The following DLGAP1 variants were observed in gnomAD, a reference collection of about 807,000 sequenced individuals.
The protein encoded by DLGAP1 is DLG associated protein 1.
Under a neutral mutation model 90.8 loss-of-function variants are expected in DLGAP1, and 11 were observed. The ratio of observed to expected loss-of-function variants is 0.12; its 90% CI spans 0.08 to 0.20. The LOEUF (loss-of-function observed/expected upper bound fraction) is 0.20, where lower values mean the gene tolerates loss of function less well. Among genes scored for constraint, DLGAP1 ranks in the 10% least tolerant of loss-of-function variants. The pLI, the probability that DLGAP1 is intolerant of heterozygous loss-of-function variation, is 1.00. For missense variants in DLGAP1, 1,050 were observed against 1,333.8 expected (o/e 0.79, Z 3.31); for synonymous variants, 558 against 540.7 (o/e 1.03, Z -0.44).
At chr18:4,157,611 T>C (rs2076778307) in intron 1 of DLGAP1, among the ~76,000 whole-genome samples, 1 of 152,190 alleles carries the variant, frequency 6.6e-6, no homozygotes, top group African/African-American at 2.4e-5. Context: ...ATTTTAGTAG[T>C]TGAACCAGTG....
chr18:4,288,449 G>A (rs189213089), intron 1 of DLGAP1, among the ~76,000 whole-genome samples: 4 of 152,232 alleles, frequency 2.6e-5, no homozygotes, highest in East Asian at 1.9e-4. Flanking sequence ...TTATATGTTC[G>A]TTTCTTCAAA....
chr18:4,348,664 T>C (rs1300000309), intron 1 of DLGAP1, among the ~76,000 whole-genome samples: 1 of 151,862 alleles, frequency 6.6e-6, no homozygotes, highest in East Asian at 1.9e-4. Flanking sequence ...GATGAAGAAA[T>C]GGAGCAAGAT....
intron 6 of DLGAP1, among the ~76,000 whole-genome samples, chr18:3,741,112 C>CCACCACCAT (rs2062950467): frequency 7.8e-6 from 1 of 128,454 alleles, no homozygotes; most frequent in East Asian, 2.6e-4. Flanking sequence ...ATCACCATCA[C>CCACCACCAT]CACCACCATC....
At chr18:3,785,143 C>T (rs773238333) in intron 5 of DLGAP1, among the ~76,000 whole-genome samples, 3 of 152,196 alleles carry the variant, frequency 2.0e-5, no homozygotes, top group Non-Finnish European at 4.4e-5. Context: ...GAAGAACAGG[C>T]TGTATTAGTT....
At chr18:3,535,135 TAG>T (rs2052279654) in intron 9 of DLGAP1, among the ~76,000 whole-genome samples, 1 of 146,922 alleles carries the variant, frequency 6.8e-6, no homozygotes, top group African/African-American at 2.5e-5. Flanking sequence ...GTGGCAGGGG[TAG>T]ACCCTTGAGG....
At chr18:4,323,438 T>C (rs1176519505) in intron 1 of DLGAP1, among the ~76,000 whole-genome samples, 1 of 152,174 alleles carries the variant, frequency 6.6e-6, no homozygotes, top group African/African-American at 2.4e-5. Context: ...TGGCTATATA[T>C]ATAAAGGAAT....
chr18:4,358,788 G>C (rs2081575613), intron 1 of DLGAP1, among the ~76,000 whole-genome samples: 1 of 152,208 alleles, frequency 6.6e-6, no homozygotes, highest in Non-Finnish European at 1.5e-5. Flanking sequence ...TACCTCTGTA[G>C]CACCTGCTGT....
At chr18:3,600,723 G>T (rs75191767) in intron 7 of DLGAP1, among the ~76,000 whole-genome samples, 3,200 of 17,752 alleles carry the variant, frequency 0.18, 835 homozygotes, top group East Asian at 0.38. Flanking sequence ...TAGATATAGA[G>T]ATATAGATAT....
chr18:3,671,078 A>C (rs1598286115), intron 7 of DLGAP1, among the ~76,000 whole-genome samples: 1 of 148,364 alleles, frequency 6.7e-6, no homozygotes. Flanking sequence ...TCTTTTTCCC[A>C]CCTTCCCTCC....
chr18:3,601,071 T>C (rs1302666321), intron 7 of DLGAP1, among the ~76,000 whole-genome samples: 1 of 148,524 alleles, frequency 6.7e-6, no homozygotes, highest in African/African-American at 2.5e-5. Flanking sequence ...GATATATAGA[T>C]ATATAGATAG....
rs59737533 is a variant in DLGAP1, at chr18:3,685,563, CAAAAAAAAAAAAAA to C, written c.1591+43558_1591+43571del. Among the ~76,000 whole-genome samples, 6 of 76,592 alleles carry C rather than the reference CAAAAAAAAAAAAAA, an allele frequency of 7.8e-5. No homozygotes were observed. In the East Asian group the frequency reaches 1.3e-3, roughly 16 times the overall value. The allele number at this position is 76,592 out of a possible 152,430, so 50.2% of individuals were successfully genotyped here. On this transcript the variant is annotated intron_variant, in intron 7 of 12. Coordinates refer to ENST00000315677, the MANE Select transcript of DLGAP1 (RefSeq NM_004746.4). ...TGGGCGACAGAGCGAGATTCCGTCT[CAAAAAAAAAAAAAA>C]AAAAAAAAAAAAAATCCAGAGACGG...
At chr18:4,055,082 G>C (rs2075193990) in intron 2 of DLGAP1, among the ~76,000 whole-genome samples, 1 of 152,170 alleles carries the variant, frequency 6.6e-6, no homozygotes, top group Non-Finnish European at 1.5e-5. Context: ...CGCACATACT[G>C]TGATAAATAA....
intron 2 of DLGAP1, among the ~76,000 whole-genome samples, chr18:4,143,727 C>T (rs1428110477): frequency 6.6e-6 from 1 of 152,094 alleles, no homozygotes; most frequent in Admixed American, 6.5e-5. Context: ...TATTGGGTCA[C>T]ATGTGCATCC....
intron 2 of DLGAP1, among the ~76,000 whole-genome samples, chr18:4,016,149 A>C (rs1275136487): frequency 6.6e-6 from 1 of 152,202 alleles, no homozygotes; most frequent in Non-Finnish European, 1.5e-5. Context: ...TCTTTTCCCT[A>C]GAGACAGATA....
chr18:4,276,112 A>G (rs1023100489), intron 1 of DLGAP1, among the ~76,000 whole-genome samples: 2 of 148,854 alleles, frequency 1.3e-5, no homozygotes, highest in East Asian at 4.0e-4. Flanking sequence ...CTATTGTCCA[A>G]GAAAAATGGG....
chr18:4,360,235 A>T (rs1444334799), intron 1 of DLGAP1, among the ~76,000 whole-genome samples: 1 of 152,182 alleles, frequency 6.6e-6, no homozygotes, highest in African/African-American at 2.4e-5. Context: ...GTGGCATTAG[A>T]CAGGGTGGAA....
At chr18:3,965,311 C>CA (rs2073299564) in intron 3 of DLGAP1, among the ~76,000 whole-genome samples, 1 of 152,004 alleles carries the variant, frequency 6.6e-6, no homozygotes, top group Non-Finnish European at 1.5e-5. Context: ...TAATGTTTTG[C>CA]AAAAAATAAG....
intron 1 of DLGAP1, among the ~76,000 whole-genome samples, chr18:4,375,900 C>CA (rs11372414): frequency 0.56 from 85,122 of 151,934 alleles, 23,956 homozygotes; most frequent in East Asian, 0.69. Flanking sequence ...TACAGATATG[C>CA]AAAACAACTG....
intron 5 of DLGAP1, among the ~76,000 whole-genome samples, chr18:3,813,500 A>G (rs1213211460): frequency 6.6e-6 from 1 of 152,196 alleles, no homozygotes; most frequent in Non-Finnish European, 1.5e-5. Flanking sequence ...TATATTTGCA[A>G]AACAAAACCT....
Sources: allele counts gnomAD v4.1 joint callset (sites outside exome capture counted in the v4.1 genomes callset), GRCh38; gene constraint gnomAD v4.1.1; transcripts MANE v1.5; gene names NCBI Gene and HGNC (gene_info 2026-07-23, HGNC 2026-07-21).